The following LGSN variants were observed in gnomAD, a reference collection of about 807,000 sequenced individuals.
LGSN encodes the protein lengsin, lens protein with glutamine synthetase domain.
In LGSN, 21 loss-of-function variants were observed where a neutral mutation model predicts 19.5. The ratio of observed to expected loss-of-function variants is 1.07; its 90% CI spans 0.76 to 1.55. The LOEUF (loss-of-function observed/expected upper bound fraction) is 1.55. Among genes scored for constraint, LGSN ranks in the 40% most tolerant of loss-of-function variants. LGSN has a pLI of 0.00. For missense variants in LGSN, 673 were observed against 608.5 expected (o/e 1.11, Z -1.12); for synonymous variants, 257 against 215.6 (o/e 1.19, Z -1.68).
the LGSN span, among the ~76,000 whole-genome samples, chr6:63,448,638 C>A: frequency 6.6e-6 from 1 of 151,020 alleles, no homozygotes; most frequent in Non-Finnish European, 1.5e-5. Flanking sequence ...AGTTACATGG[C>A]ATATTAAATC....
the LGSN span, among the ~76,000 whole-genome samples, chr6:63,465,156 G>C: frequency 2.0e-5 from 3 of 151,718 alleles, 1 homozygote; most frequent in African/African-American, 7.3e-5. Flanking sequence ...CTACTACTGC[G>C]CGTCTATTTC....
the LGSN span, among the ~76,000 whole-genome samples, chr6:63,329,775 C>G: frequency 6.6e-6 from 1 of 152,136 alleles, no homozygotes; most frequent in African/African-American, 2.4e-5. Flanking sequence ...GCTAATATAT[C>G]CCTCCCTAAT....
chr6:63,405,247 A>C, the LGSN span, among the ~76,000 whole-genome samples: 1 of 151,932 alleles, frequency 6.6e-6, no homozygotes, highest in South Asian at 2.1e-4. Flanking sequence ...GCTATCGTGA[A>C]TAGTGCCACA....
chr6:63,394,595 C>CA, the LGSN span, among the ~76,000 whole-genome samples: 1 of 152,210 alleles, frequency 6.6e-6, no homozygotes, highest in Admixed American at 6.5e-5. Context: ...AAATAACCAC[C>CA]AGCCCTAGGG....
At chr6:63,367,418 A>G in the LGSN span, among the ~76,000 whole-genome samples, 46 of 152,122 alleles carry the variant, frequency 3.0e-4, 1 homozygote, top group Non-Finnish European at 5.7e-4. Context: ...TTAGAATGGC[A>G]ATCATTAAAA....
chr6:63,424,508 GACACACAC>G, the LGSN span, among the ~76,000 whole-genome samples: 1,887 of 146,398 alleles, frequency 0.013, 31 homozygotes, highest in African/African-American at 0.045. Flanking sequence ...ACCAAAACCA[GACACACAC>G]ACACACACAC....
chr6:63,389,673 G>T, the LGSN span, among the ~76,000 whole-genome samples: 183 of 152,296 alleles, frequency 1.2e-3, no homozygotes, highest in African/African-American at 4.2e-3. Flanking sequence ...CTACATGGTT[G>T]CATTTCAATA....
chr6:63,478,545 G>C, the LGSN span, among the ~76,000 whole-genome samples: 2 of 152,134 alleles, frequency 1.3e-5, no homozygotes, highest in Non-Finnish European at 2.9e-5. Context: ...ACATCACCCA[G>C]GTGGGGTTGT....
chr6:63,281,503 A>G (rs763439897), intron 3 of LGSN, among the ~76,000 whole-genome samples: 5 of 151,866 alleles, frequency 3.3e-5, no homozygotes, highest in Non-Finnish European at 7.4e-5. Context: ...TTATAAATGA[A>G]AGGTATAATG....
the LGSN span, among the ~76,000 whole-genome samples, chr6:63,430,869 T>A: frequency 6.6e-6 from 1 of 152,166 alleles, no homozygotes; most frequent in African/African-American, 2.4e-5. Context: ...AACAAATGTA[T>A]GATTAAGTTA....
the LGSN span, among the ~76,000 whole-genome samples, chr6:63,425,418 C>T: frequency 0.11 from 16,921 of 152,078 alleles, 1,950 homozygotes; most frequent in African/African-American, 0.29. Flanking sequence ...TAAGTTCATG[C>T]CATGGAATAC....
chr6:63,560,333 C>T, the LGSN span, among the ~76,000 whole-genome samples: 5 of 127,210 alleles, frequency 3.9e-5, no homozygotes, highest in African/African-American at 9.2e-5. Flanking sequence ...AGTAAGACTC[C>T]GTCTCAAAAA....
At chr6:63,432,074 C>T in the LGSN span, among the ~76,000 whole-genome samples, 39 of 97,246 alleles carry the variant, frequency 4.0e-4, no homozygotes, top group Middle Eastern at 8.6e-3. Context: ...GACTCCATCT[C>T]GAAAGAAAAA....
chr6:63,331,018 C>T, the LGSN span, among the ~76,000 whole-genome samples: 2 of 152,096 alleles, frequency 1.3e-5, no homozygotes, highest in Non-Finnish European at 2.9e-5. Context: ...GGGACAGGTA[C>T]CTGAGTTGGG....
the LGSN span, among the ~76,000 whole-genome samples, chr6:63,530,447 T>A: frequency 1.3e-5 from 2 of 152,174 alleles, no homozygotes; most frequent in Non-Finnish European, 2.9e-5. Flanking sequence ...TAAGATGCTC[T>A]AGGTAAACAT....
chr6:63,515,573 T>A, the LGSN span, among the ~76,000 whole-genome samples: 12 of 152,190 alleles, frequency 7.9e-5, no homozygotes, highest in African/African-American at 2.9e-4. Context: ...TTTAAAATGT[T>A]GAAAATTGTA....
chr6:63,540,211 C>A, the LGSN span, among the ~76,000 whole-genome samples: 1 of 152,156 alleles, frequency 6.6e-6, no homozygotes, highest in Non-Finnish European at 1.5e-5. Flanking sequence ...GATGCACTTA[C>A]TCCTTGAACA....
the LGSN span, chr6:63,441,614 G>A: frequency 8.6e-6 from 4 of 467,326 alleles, no homozygotes; most frequent in East Asian, 1.0e-4. Context: ...AGGAAGCTCA[G>A]GAGAGGAAAT....
the LGSN span, among the ~76,000 whole-genome samples, chr6:63,550,733 T>TC: frequency 6.6e-6 from 1 of 151,910 alleles, no homozygotes; most frequent in Admixed American, 6.6e-5. Flanking sequence ...CAAGCAATTC[T>TC]CCCAGACCCA....
Sources: allele counts gnomAD v4.1 joint callset (sites outside exome capture counted in the v4.1 genomes callset), GRCh38; gene constraint gnomAD v4.1.1; transcripts MANE v1.5; gene names NCBI Gene and HGNC (gene_info 2026-07-23, HGNC 2026-07-21).